Variants in FAT4 observed in about 807,000 individuals in gnomAD.
FAT4 encodes the protein FAT atypical cadherin 4.
A neutral mutation model predicts 303.9 loss-of-function variants in FAT4; 84 were observed. The ratio of observed to expected loss-of-function variants is 0.28; its 90% confidence interval spans 0.23 to 0.33. The LOEUF (loss-of-function observed/expected upper bound fraction) is 0.33. Among genes scored for constraint, FAT4 ranks in the 10% least tolerant of loss-of-function variants. The pLI is 1.00. For synonymous variants in FAT4, 2,307 were observed against 2,298.8 expected, an observed-to-expected ratio of 1.00 and a Z score of -0.10; for missense variants, 6,005 against 6,146.8, an observed-to-expected ratio of 0.98 and a Z score of 0.77.
chr4:125,380,545 A>G (rs1208717832), intron 2 of FAT4, among the ~76,000 whole-genome samples: 1 of 152,222 alleles, frequency 6.6e-6, no homozygotes, highest in Admixed American at 6.5e-5. Flanking sequence ...TTAGTTTAAC[A>G]GTTAACAGAG....
In FAT4 at chr4:125,361,644, T is replaced by C. The variant is rs143112779; in HGVS notation, c.5176-37140T>C. On this transcript the variant is annotated intron_variant, in intron 2 of 17. Transcript: ENST00000394329. Reference sequence around the variant, plus strand: ...TTTAAAATTGTGAATTTACAAACTGTGGGTTATTATATGCTACAGAAGCCA... The same window carrying C: ...TTTAAAATTGTGAATTTACAAACTGCGGGTTATTATATGCTACAGAAGCCA... Among the ~76,000 whole-genome samples, 324 of 152,180 alleles carry C rather than the reference T, an allele frequency of 2.1e-3. 9 individuals carry two copies. Among genetic ancestry groups the C allele is most frequent in the Non-Finnish European group, 3.1e-4 (21 of 67,992 alleles).
intron 2 of FAT4, 116 bp downstream of exon 2, chr4:125,321,702 A>G: frequency 2.8e-6 from 3 of 1,052,650 alleles, no homozygotes; most frequent in South Asian, 2.0e-5. Context: ...ATTTGTGAAC[A>G]GGAACACCTA....
At chr4:125,427,569 A>ATT (rs11371145) in intron 7 of FAT4, among the ~76,000 whole-genome samples, 2 of 151,976 alleles carry the variant, frequency 1.3e-5, no homozygotes, top group Non-Finnish European at 2.9e-5. Flanking sequence ...TGTTTTATGT[A>ATT]TTTTTTGTAT....
At chr4:125,428,995 T>C (rs572082160) in intron 7 of FAT4, among the ~76,000 whole-genome samples, 1 of 152,330 alleles carries the variant, frequency 6.6e-6, no homozygotes, top group Admixed American at 6.5e-5. Context: ...TTTTGCCCTA[T>C]TACACCACTA....
At chr4:125,487,707 C>T in intron 17 of FAT4, 101 bp downstream of exon 17, 1 of 1,162,770 alleles carries the variant, frequency 8.6e-7, no homozygotes, top group Non-Finnish European at 1.2e-6. Context: ...ACATGAATCT[C>T]ATATACAGAA....
chr4:125,462,133 T>G (rs567953760), intron 10 of FAT4, among the ~76,000 whole-genome samples: 2 of 152,118 alleles, frequency 1.3e-5, no homozygotes, highest in African/African-American at 4.8e-5. Flanking sequence ...TTCTGTGATG[T>G]ACAGAAATGG....
At chr4:125,324,077 A>G (rs1159752943) in intron 2 of FAT4, among the ~76,000 whole-genome samples, 1 of 152,162 alleles carries the variant, frequency 6.6e-6, no homozygotes, top group Non-Finnish European at 1.5e-5. Flanking sequence ...GTTATATCCA[A>G]AGATTTGGCA....
At chr4:125,350,487 A>G (rs1732179688) in intron 2 of FAT4, among the ~76,000 whole-genome samples, 1 of 151,782 alleles carries the variant, frequency 6.6e-6, no homozygotes, top group South Asian at 2.1e-4. Context: ...TATACAGCAG[A>G]AAGAATCCAG....
chr4:125,432,654 A>G (rs1725321209), intron 7 of FAT4, among the ~76,000 whole-genome samples: 1 of 152,100 alleles, frequency 6.6e-6, no homozygotes, highest in African/African-American at 2.4e-5. Flanking sequence ...CATATTACCA[A>G]TAGATTGAGG....
At chr4:125,394,553 A>G (rs1734095713) in intron 2 of FAT4, among the ~76,000 whole-genome samples, 1 of 152,218 alleles carries the variant, frequency 6.6e-6, no homozygotes, top group Non-Finnish European at 1.5e-5. Context: ...TTCATTATTT[A>G]AAGTGATCTA....
Position 125,477,164 on chromosome 4 carries a change from T to G in FAT4, c.12309T>G (p.Asp4103Glu), listed in dbSNP as rs781120191. ...TCCATTATTTATTTAGGACTCTTGA[T>G]GTTCAGCCAAATAGAGTTACAGTTG... ...NVAVSDDWTL[D>E]VQPNRVTVGG... is the part of the protein sequence containing the mutation. Residue 4103 changes from aspartate (D) to glutamate (E), a missense_variant, in exon 14 of 18, where the codon GAT becomes GAG. Physicochemically the swap from Asp to Glu is conservative, Grantham distance 45. Transcript: ENST00000394329. 1.5e-6 allele frequency: 2 copies of G among 1,362,136 alleles called. No individual in the cohort carries two copies. Among genetic ancestry groups the G allele is most frequent in the African/African-American group, 3.0e-5 (2 of 66,592 alleles). The allele number at this position is 1,362,136 out of a possible 1,614,324, so 84.4% of individuals were successfully genotyped here.
At chr4:125,409,225 A>G (rs913806269) in intron 5 of FAT4, among the ~76,000 whole-genome samples, 4 of 152,106 alleles carry the variant, frequency 2.6e-5, no homozygotes, top group Admixed American at 6.6e-5. Flanking sequence ...GCAAAAACTA[A>G]GTTTCACATT....
At chr4:125,413,706 A>T (rs1734932918) in intron 5 of FAT4, among the ~76,000 whole-genome samples, 1 of 151,988 alleles carries the variant, frequency 6.6e-6, no homozygotes, top group Non-Finnish European at 1.5e-5. Flanking sequence ...AGTTCAAAAA[A>T]AGGCAAAAGT....
In FAT4 at chr4:125,406,957, T is replaced by A. The variant is rs376910527; in HGVS notation, c.5385T>A (p.Asp1795Glu). The A allele has an allele frequency of 8.7e-6, 14 of 1,613,748 alleles. No individual in the cohort carries two copies. In the African/African-American group the frequency reaches 1.9e-4, roughly 22 times the overall value. Reference sequence around the variant, plus strand: ...TTCGCATCGACCCAGAATCCGGAGATCTGATAGCAACCAGGCGGTTGGACA... The same window carrying A: ...TTCGCATCGACCCAGAATCCGGAGAACTGATAGCAACCAGGCGGTTGGACA... The part of the protein sequence containing the change: ...DSFRIDPESG[D>E]LIATRRLDRE... Residue 1795 changes from aspartate to glutamate, a missense_variant, in exon 4 of 18, where the codon GAT becomes GAA. Asp to Glu is a conservative substitution (Grantham distance 45). Coordinates refer to ENST00000394329, the MANE Select transcript of FAT4 (RefSeq NM_001291303.3).
At chr4:125,360,340 A>C (rs1378540087) in intron 2 of FAT4, among the ~76,000 whole-genome samples, 5 of 152,056 alleles carry the variant, frequency 3.3e-5, no homozygotes, top group Admixed American at 2.0e-4. Flanking sequence ...AACTTCATTA[A>C]ATTTTCATTT....
At chr4:125,411,876 C>T (rs983206631) in intron 5 of FAT4, among the ~76,000 whole-genome samples, 17 of 147,908 alleles carry the variant, frequency 1.1e-4, no homozygotes, top group South Asian at 8.4e-4. Context: ...ATATATATGA[C>T]GAAACCATAA....
intron 2 of FAT4, among the ~76,000 whole-genome samples, chr4:125,371,513 A>G (rs1295566243): frequency 6.6e-6 from 1 of 151,760 alleles, no homozygotes; most frequent in African/African-American, 2.4e-5. Flanking sequence ...ATTTCATGCC[A>G]TCTGCTATAA....
At position 125,318,345 on chromosome 4, in the gene FAT4, C is replaced by T. The variant is rs1730741084; in HGVS notation, c.1934C>T (p.Ser645Phe). 14 of 1,614,214 alleles carry T rather than the reference C, an allele frequency of 8.7e-6. No homozygotes were observed. The highest frequency in any genetic ancestry group is 3.3e-5 in the South Asian group (3 of 91,084). Residue 645 changes from serine to phenylalanine, a missense_variant, in exon 2 of 18, where the codon TCC becomes TTC. Ser to Phe is a radical substitution (Grantham distance 155). Coordinates refer to ENST00000394329, the MANE Select transcript of FAT4 (RefSeq NM_001291303.3). ...GTGTCTGGGAGGTTGAGTACTATTT[C>T]CTCCTTGGACAGAGAAGAGCAAGCC... ...DPVSGRLSTI[S>F]SLDREEQAFY...
chr4:125,320,850 C>T lies in FAT4; in HGVS notation c.4439C>T (p.Thr1480Ile). The T allele has an allele frequency of 6.2e-7, 1 of 1,614,158 alleles. No homozygotes were observed. Among genetic ancestry groups the T allele is most frequent in the Non-Finnish European group, 8.5e-7 (1 of 1,180,010 alleles). ...GATGAAGTCAAAGGGACTATATATACTAATGCTGAAATAGATCGGGAATTT... is the reference window on the plus strand; with the variant it reads ...GATGAAGTCAAAGGGACTATATATATTAATGCTGAAATAGATCGGGAATTT... ...TIDEVKGTIY[T>I]NAEIDREFAN... Residue 1480 changes from threonine to isoleucine, a missense_variant, in exon 2 of 18, where the codon ACT becomes ATT. Coordinates refer to ENST00000394329, the MANE Select transcript of FAT4 (RefSeq NM_001291303.3).
Sources: allele counts gnomAD v4.1 joint callset (sites outside exome capture counted in the v4.1 genomes callset), GRCh38; gene constraint gnomAD v4.1.1; transcripts MANE v1.5; gene names NCBI Gene and HGNC (gene_info 2026-07-23, HGNC 2026-07-21).